Variants in NECTIN3 observed in about 807,000 individuals in gnomAD.
NECTIN3 encodes the protein nectin cell adhesion molecule 3.
A neutral mutation model predicts 49.4 loss-of-function variants in NECTIN3; 8 were observed. That is an observed-to-expected ratio of 0.16 (90% CI 0.10 to 0.29). NECTIN3 has a LOEUF of 0.29. Among genes scored for constraint, NECTIN3 ranks in the 10% least tolerant of loss-of-function variants. The probability of loss-of-function intolerance (pLI) is 1.00; values close to 1 mark genes in which losing one functional copy is unlikely to be tolerated. For missense variants in NECTIN3, 581 were observed against 654.6 expected, an observed-to-expected ratio of 0.89 and a Z score of 1.23; for synonymous variants, 277 against 241.1, an observed-to-expected ratio of 1.15 and a Z score of -1.38.
intron 1 of NECTIN3, among the ~76,000 whole-genome samples, chr3:111,083,384 GTAA>G (rs1242247577): frequency 2.6e-5 from 4 of 152,202 alleles, no homozygotes; most frequent in African/African-American, 9.7e-5. Flanking sequence ...CCTTTGGGAA[GTAA>G]TTAGGTTTAG....
exon 7 of NECTIN3, chr3:111,147,447 A>C: frequency 1.3e-6 from 2 of 1,533,326 alleles, no homozygotes; most frequent in Non-Finnish European, 1.7e-6. Context: ...CTGTATGAAG[A>C]ACGATCCCCA....
chr3:111,134,277 AT>A lies in NECTIN3; in HGVS notation c.*64del, dbSNP rs972143231. ...ATTCACACTAGTTGATCATTTTCAG[AT>A]TGTTCATACTTTTTCTTGAGGAAGA... On this transcript the variant is annotated 3_prime_UTR_variant, in exon 6 of 6. Coordinates refer to ENST00000485303, the MANE Select transcript of NECTIN3 (RefSeq NM_015480.3). 11 of 1,500,510 alleles carry A rather than the reference AT, an allele frequency of 7.3e-6. No individual in the cohort carries two copies. The highest frequency in any genetic ancestry group is 2.4e-5 in the Admixed American group (1 of 42,076). The allele number at this position is 1,500,510 out of a possible 1,614,324, so 92.9% of individuals were successfully genotyped here. A position where few individuals can be genotyped will look rare whatever the true frequency, so the allele number is the denominator to read the frequency against.
intron 1 of NECTIN3, chr3:111,074,933 A>G (rs149492546): frequency 6.6e-6 from 1 of 152,156 alleles, no homozygotes; most frequent in East Asian, 1.9e-4. Flanking sequence ...ATGAATAACA[A>G]GATAGACTGA....
In NECTIN3 at chr3:111,134,847, C is replaced by G. The variant is rs2107496631; in HGVS notation, c.*632C>G. ...GTGGCTTTTCAAAGATATTTTGTTGCACTAAAACTGTGGTAGTAAACTCAG... is the reference window on the plus strand; with the variant it reads ...GTGGCTTTTCAAAGATATTTTGTTGGACTAAAACTGTGGTAGTAAACTCAG... On this transcript the variant is annotated 3_prime_UTR_variant, in exon 6 of 6. Coordinates refer to ENST00000485303, the MANE Select transcript of NECTIN3 (RefSeq NM_015480.3). 1 of 982,330 alleles carries G rather than the reference C, an allele frequency of 1.0e-6. No individual in the cohort carries two copies. Among genetic ancestry groups the G allele is most frequent in the Middle Eastern group, 5.2e-4 (1 of 1,910 alleles). 60.9% of individuals were successfully genotyped at this position (982,330 alleles called of 1,614,324 possible). A position where few individuals can be genotyped will look rare whatever the true frequency, so the allele number is the denominator to read the frequency against.
At chr3:111,146,230 C>G (rs1230849563) in intron 6 of NECTIN3, among the ~76,000 whole-genome samples, 1 of 151,720 alleles carries the variant, frequency 6.6e-6, no homozygotes, top group East Asian at 1.9e-4. Flanking sequence ...GTCAGGAGAT[C>G]GAGACCATCC....
chr3:111,113,675 T>A (rs2033567493), intron 2 of NECTIN3, among the ~76,000 whole-genome samples: 1 of 152,106 alleles, frequency 6.6e-6, no homozygotes, highest in Admixed American at 6.6e-5. Flanking sequence ...AAAACTCACA[T>A]GGAGGACATC....
At chr3:111,082,374 A>ACAGG (rs969466161) in intron 1 of NECTIN3, among the ~76,000 whole-genome samples, 4 of 152,090 alleles carry the variant, frequency 2.6e-5, no homozygotes, top group Admixed American at 2.0e-4. Flanking sequence ...AAAAGGGAAC[A>ACAGG]CAGGCAGAAG....
At chr3:111,191,909 G>A (rs1489198843), upstream of NECTIN3, among the ~76,000 whole-genome samples, 1 of 152,204 alleles carries the variant, frequency 6.6e-6, no homozygotes, top group Non-Finnish European at 1.5e-5. Flanking sequence ...ATGGCTCACT[G>A]TGACCTCTGC....
chr3:111,105,508 G>A (rs2033138901), intron 1 of NECTIN3, among the ~76,000 whole-genome samples: 1 of 152,074 alleles, frequency 6.6e-6, no homozygotes, highest in African/African-American at 2.4e-5. Flanking sequence ...TGCTGCTAAT[G>A]CATAGAAATA....
intron 5 of NECTIN3, among the ~76,000 whole-genome samples, chr3:111,128,009 GA>G (rs939364206): frequency 6.6e-6 from 1 of 152,148 alleles, no homozygotes; most frequent in African/African-American, 2.4e-5. Context: ...ATTACTTGTA[GA>G]CCTTAGACTC....
At chr3:111,138,840 G>C (rs981245744), downstream of NECTIN3, among the ~76,000 whole-genome samples, 4 of 151,534 alleles carry the variant, frequency 2.6e-5, no homozygotes, top group Admixed American at 1.3e-4. Flanking sequence ...TTGCTACATA[G>C]ACATGATATG....
Position 111,111,975 on chromosome 3 carries a change from G to A in NECTIN3, c.161-55G>A, listed in dbSNP as rs551693996. The A allele has an allele frequency of 2.2e-4, 271 of 1,215,286 alleles. 3 individuals are homozygous for A. The South Asian group carries it at 3.9e-3, about 17-fold the overall frequency. The allele number at this position is 1,215,286 out of a possible 1,614,324, so 75.3% of individuals were successfully genotyped here. A position where few individuals can be genotyped will look rare whatever the true frequency, so the allele number is the denominator to read the frequency against. ...CACAGGGGGTCAGGAAGGGAGGAGAGTGTTGACCACTTTTTTCTATTTTAA... is the reference window on the plus strand; with the variant it reads ...CACAGGGGGTCAGGAAGGGAGGAGAATGTTGACCACTTTTTTCTATTTTAA... On this transcript the variant is annotated intron_variant, in intron 1 of 5. Coordinates refer to ENST00000485303, the MANE Select transcript of NECTIN3 (RefSeq NM_015480.3).
intron 1 of NECTIN3, among the ~76,000 whole-genome samples, chr3:111,098,915 A>G (rs188747076): frequency 6.7e-6 from 1 of 148,850 alleles, no homozygotes; most frequent in Non-Finnish European, 1.5e-5. Flanking sequence ...AGGTTGTTAA[A>G]TAAACGTTAG....
At chr3:111,096,417 A>G (rs1004980420) in intron 1 of NECTIN3, among the ~76,000 whole-genome samples, 2 of 152,232 alleles carry the variant, frequency 1.3e-5, no homozygotes, top group African/African-American at 4.8e-5. Flanking sequence ...ACAATGTGAT[A>G]GAAAAGAAAA....
intron 5 of NECTIN3, 85 bp downstream of exon 5, chr3:111,126,420 G>A (rs1383882827): frequency 1.7e-6 from 2 of 1,185,028 alleles, no homozygotes; most frequent in African/African-American, 3.2e-5. Context: ...GCAATAATTT[G>A]TACTTGTAAA....
chr3:111,120,981 A>G (rs1055320748), intron 3 of NECTIN3, among the ~76,000 whole-genome samples: 15 of 151,496 alleles, frequency 9.9e-5, no homozygotes, highest in African/African-American at 3.6e-4. Context: ...CAAACACCTA[A>G]AACAGTGTAT....
intron 7 of NECTIN3, among the ~76,000 whole-genome samples, chr3:111,172,250 T>TA (rs1447770734): frequency 6.6e-6 from 1 of 152,110 alleles, no homozygotes; most frequent in Admixed American, 6.6e-5. Flanking sequence ...CAGCTCCACA[T>TA]ACACTCACGC....
At position 111,167,872 on chromosome 3, in the gene NECTIN3, C is replaced by G. The variant is rs183052686; in HGVS notation, c.1221+20388C>G. Among the ~76,000 whole-genome samples, 6 of 152,216 alleles carry G rather than the reference C, an allele frequency of 3.9e-5. No individual in the cohort carries two copies. In the East Asian group the frequency reaches 1.2e-3, roughly 29 times the overall value. On this transcript the variant is annotated intron_variant, in intron 7 of 8. Transcript: ENST00000493615. ...GACAGCATTATAATCTTAGGCAACT[C>G]ACTTTTTTTTTCTTTTTTGGACATT...
intron 1 of NECTIN3, among the ~76,000 whole-genome samples, chr3:111,098,784 C>T (rs1381976819): frequency 6.6e-6 from 1 of 151,750 alleles, no homozygotes; most frequent in Non-Finnish European, 1.5e-5. Context: ...TTTTGACTTC[C>T]TGTATTTTCA....
Sources: gnomAD v4.1 joint callset for allele counts (sites outside exome capture counted in the v4.1 genomes callset) on GRCh38, gnomAD v4.1.1 for gene constraint, MANE v1.5 for transcripts, NCBI Gene and HGNC (gene_info 2026-07-23, HGNC 2026-07-21) for gene names.